TRMT11: variants seen among roughly 807,000 people sequenced by gnomAD.
TRMT11 encodes tRNA methyltransferase 11, also known as tRNA (guanine(10)-N(2))-methyltransferase TRMT11.
In TRMT11, 53 loss-of-function variants were observed where a neutral mutation model predicts 62.8. The observed-to-expected ratio is 0.84, with a 90% CI of 0.68 to 1.06. The LOEUF is 1.06. Among genes scored for constraint, TRMT11 ranks in the 50% least tolerant of loss-of-function variants. The pLI is 0.00. For synonymous variants in TRMT11, 188 were observed against 190.3 expected, an observed-to-expected ratio of 0.99 and a Z score of 0.10; for missense variants, 556 against 553.4, an observed-to-expected ratio of 1.00 and a Z score of -0.05.
At chr6:126,167,256 G>C (rs371405311) in intron 21 of TRMT11, among the ~76,000 whole-genome samples, 173 of 152,310 alleles carry the variant, frequency 1.1e-3, no homozygotes, top group African/African-American at 4.0e-3. Context: ...GGCACCCGAG[G>C]GAATCTCCTG....
the TRMT11 span, among the ~76,000 whole-genome samples, chr6:126,212,592 CTG>C: frequency 1.3e-5 from 2 of 152,064 alleles, no homozygotes; most frequent in South Asian, 2.1e-4. Context: ...TGAAAAATGT[CTG>C]TTCAGATATT....
intron 12 of TRMT11, among the ~76,000 whole-genome samples, chr6:126,035,111 A>G (rs1187934665): frequency 1.3e-5 from 2 of 152,110 alleles, no homozygotes; most frequent in African/African-American, 4.8e-5. Flanking sequence ...TGAATGCTGC[A>G]TAGAGTATAG....
chr6:126,091,082 C>A (rs192293169), intron 17 of TRMT11, among the ~76,000 whole-genome samples: 3 of 151,784 alleles, frequency 2.0e-5, no homozygotes, highest in Non-Finnish European at 4.4e-5. Flanking sequence ...CGGTGGCAGG[C>A]GCCTGTAATC....
At chr6:126,093,602 TA>T (rs1777301022) in intron 17 of TRMT11, among the ~76,000 whole-genome samples, 5 of 85,412 alleles carry the variant, frequency 5.9e-5, no homozygotes, top group Non-Finnish European at 8.8e-5. Flanking sequence ...TATATATATA[TA>T]TATATATATA....
At chr6:126,139,655 C>T (rs183385590) in intron 21 of TRMT11, among the ~76,000 whole-genome samples, 3 of 152,218 alleles carry the variant, frequency 2.0e-5, no homozygotes, top group Non-Finnish European at 4.4e-5. Context: ...AGGTGTGAGC[C>T]ATCATGCCCA....
chr6:126,196,214 C>T (rs1583906502), intron 1 of TRMT11, among the ~76,000 whole-genome samples: 1 of 152,154 alleles, frequency 6.6e-6, no homozygotes, highest in Admixed American at 6.5e-5. Context: ...TCCAGATCCT[C>T]AACTTCTACA....
At chr6:125,995,616 A>C (rs1791375061) in intron 2 of TRMT11, among the ~76,000 whole-genome samples, 2 of 152,226 alleles carry the variant, frequency 1.3e-5, no homozygotes, top group African/African-American at 2.4e-5. Flanking sequence ...AGAAATTAAA[A>C]ATGAAATAGC....
Position 125,999,557 on chromosome 6 carries a change from C to G in TRMT11, c.623C>G (p.Ala208Gly). 1 of 1,612,176 alleles carries G rather than the reference C, an allele frequency of 6.2e-7. No homozygotes were observed. The highest frequency in any genetic ancestry group is 8.5e-7 in the Non-Finnish European group (1 of 1,178,872). Residue 208 changes from alanine (A) to glycine (G), a missense_variant, in exon 7 of 13, where the codon GCT becomes GGT. Ala to Gly is a moderately conservative substitution (Grantham distance 60). Transcript: ENST00000334379. ...SMDAGLSFIM[A>G]NHGKVKENDI... Reference sequence around the variant, plus strand: ...GATGCTGGTTTGTCATTCATTATGGCTAACCATGGAAAAGTGAAAGAAAAT... The same window carrying G: ...GATGCTGGTTTGTCATTCATTATGGGTAACCATGGAAAAGTGAAAGAAAAT...
chr6:126,218,168 G>A, the TRMT11 span, among the ~76,000 whole-genome samples: 2 of 152,150 alleles, frequency 1.3e-5, no homozygotes, highest in Admixed American at 6.5e-5. Context: ...CAAAAACCAA[G>A]GTCTAGAACT....
At chr6:126,125,696 A>G (rs1583882364) in intron 21 of TRMT11, among the ~76,000 whole-genome samples, 1 of 151,958 alleles carries the variant, frequency 6.6e-6, no homozygotes, top group Admixed American at 6.6e-5. Flanking sequence ...GTCTTAGTAA[A>G]TATCCTAAGA....
chr6:126,066,428 G>A (rs544920190), intron 17 of TRMT11, among the ~76,000 whole-genome samples: 3 of 152,316 alleles, frequency 2.0e-5, no homozygotes, highest in South Asian at 2.1e-4. Flanking sequence ...TGGGAAGGGC[G>A]CTCTTTGTTA....
Position 126,112,317 on chromosome 6 carries a change from G to GGTTC in TRMT11, c.*1438-548_*1438-545dup, listed in dbSNP as rs1777541220. ...CACTGTGCTAACATCTACTAGGAAT[G>GGTTC]GTTCAGTCCCTGTAGATCTGAGAAA... On this transcript the variant is annotated intron_variant and NMD_transcript_variant, in intron 17 of 22. Coordinates refer to the TRMT11 transcript ENST00000648977. Among the ~76,000 whole-genome samples, 3 of 152,238 alleles carry GGTTC rather than the reference G, an allele frequency of 2.0e-5. No individual in the cohort carries two copies. The South Asian group carries it at 6.2e-4, about 32-fold the overall frequency.
intron 11 of TRMT11, 45 bp from the exon 12 acceptor site, chr6:126,021,115 C>T (rs1370792693): frequency 6.2e-7 from 1 of 1,607,590 alleles, no homozygotes; most frequent in Admixed American, 1.7e-5. Context: ...TTCTTTGTGG[C>T]CCACACATGT....
At position 125,991,178 on chromosome 6, in the gene TRMT11, G is replaced by A. The variant is rs375180080; in HGVS notation, c.73-2579G>A. 4.0e-5 allele frequency among the ~76,000 whole-genome samples: 6 copies of A among 150,244 alleles called. No homozygotes were observed. In the East Asian group the frequency reaches 1.2e-3, roughly 30 times the overall value. On this transcript the variant is annotated intron_variant, in intron 1 of 12. Coordinates refer to ENST00000334379, the MANE Select transcript of TRMT11 (RefSeq NM_001031712.3). Reference sequence around the variant, plus strand: ...GGAGAATCGCATGAACCTGGGAGGTGGAGGTTGCAGTGAGCCGAGATCACA... The same window carrying A: ...GGAGAATCGCATGAACCTGGGAGGTAGAGGTTGCAGTGAGCCGAGATCACA...
chr6:126,002,087 C>T (rs1792589585), intron 7 of TRMT11, among the ~76,000 whole-genome samples: 1 of 152,022 alleles, frequency 6.6e-6, no homozygotes, highest in Non-Finnish European at 1.5e-5. Context: ...TGTTCAAGCT[C>T]TGGTATCAGT....
downstream of TRMT11, among the ~76,000 whole-genome samples, chr6:126,208,470 C>G (rs1296687688): frequency 6.6e-6 from 1 of 151,966 alleles, no homozygotes; most frequent in East Asian, 1.9e-4. Flanking sequence ...AGAGATGGCT[C>G]TTATTTAATA....
At chr6:126,262,028 T>C in the TRMT11 span, among the ~76,000 whole-genome samples, 1 of 152,224 alleles carries the variant, frequency 6.6e-6, no homozygotes, top group Non-Finnish European at 1.5e-5. Flanking sequence ...CCTGTGGCTA[T>C]CTGCCTGTAG....
chr6:126,182,744 T>G lies in TRMT11; in HGVS notation n.143+5409T>G, dbSNP rs150174187. On this transcript the variant is annotated intron_variant and non_coding_transcript_variant, in intron 1 of 3. Transcript: ENST00000444229. ...TAAAGATTTGCTCTTAGAGGGATTA[T>G]TTTTGGAACTTAGGACTCTGGGGAT... Among the ~76,000 whole-genome samples the G allele has an allele frequency of 3.1e-3, 476 of 152,250 alleles. 1 individual carries two copies. The highest frequency in any genetic ancestry group is 0.011 in the African/African-American group (440 of 41,550).
intron 11 of TRMT11, among the ~76,000 whole-genome samples, chr6:126,019,434 G>C (rs1212855604): frequency 1.3e-5 from 2 of 152,104 alleles, no homozygotes; most frequent in Non-Finnish European, 2.9e-5. Flanking sequence ...GGATTTGATT[G>C]ATAAATTTGC....
Sources: allele counts gnomAD v4.1 joint callset (sites outside exome capture counted in the v4.1 genomes callset), GRCh38; gene constraint gnomAD v4.1.1; transcripts MANE v1.5; gene names NCBI Gene and HGNC (gene_info 2026-07-23, HGNC 2026-07-21).